TUNAR: variants seen among roughly 807,000 people sequenced by gnomAD.
TUNAR encodes protein TUNAR.
intron 2 of TUNAR, among the ~76,000 whole-genome samples, chr14:95,885,156 G>C (rs1566785030): frequency 6.6e-6 from 1 of 152,214 alleles, no homozygotes; most frequent in African/African-American, 2.4e-5. Context: ...AGTGAAAAAG[G>C]CCAGGAAAAC....
chr14:95,923,385 C>T (rs572652531), exon 3 of TUNAR: 5 of 156,430 alleles, frequency 3.2e-5, no homozygotes, highest in African/African-American at 4.8e-5. Flanking sequence ...CTTCACTTGA[C>T]GAGCTATTTA....
intron 2 of TUNAR, among the ~76,000 whole-genome samples, chr14:95,891,028 T>C (rs913535267): frequency 1.3e-5 from 2 of 151,998 alleles, no homozygotes; most frequent in African/African-American, 4.8e-5. Flanking sequence ...CCTGCTGAAG[T>C]TGGGGGGCAG....
At chr14:95,918,280 A>T (rs1209844501) in intron 2 of TUNAR, among the ~76,000 whole-genome samples, 6 of 152,102 alleles carry the variant, frequency 3.9e-5, no homozygotes, top group African/African-American at 1.2e-4. Flanking sequence ...TACACTCTCT[A>T]ATCCATTTTA....
At chr14:95,904,537 G>A (rs1221951206) in intron 2 of TUNAR, among the ~76,000 whole-genome samples, 1 of 152,180 alleles carries the variant, frequency 6.6e-6, no homozygotes, top group Non-Finnish European at 1.5e-5. Context: ...AACAGCCCAG[G>A]CCAGGGTCAC....
intron 2 of TUNAR, among the ~76,000 whole-genome samples, chr14:95,922,052 C>A (rs1889705794): frequency 6.6e-6 from 1 of 152,202 alleles, no homozygotes; most frequent in African/African-American, 2.4e-5. Flanking sequence ...AGTCCTGTGT[C>A]CATGCCTCCA....
exon 3 of TUNAR, chr14:95,925,119 A>G (rs1889765982): frequency 6.6e-6 from 1 of 152,212 alleles, no homozygotes; most frequent in Admixed American, 6.5e-5. Context: ...TGCTTTGGAT[A>G]CTTGGAGTCA....
chr14:95,886,562 G>A (rs1395115744), intron 2 of TUNAR, among the ~76,000 whole-genome samples: 1 of 152,236 alleles, frequency 6.6e-6, no homozygotes, highest in Non-Finnish European at 1.5e-5. Context: ...ATGGTGCCAA[G>A]GGCACGGCAT....
intron 2 of TUNAR, among the ~76,000 whole-genome samples, chr14:95,878,454 G>T (rs1888924409): frequency 6.6e-6 from 1 of 152,202 alleles, no homozygotes; most frequent in African/African-American, 2.4e-5. Flanking sequence ...TTGTGTTGGT[G>T]CAGAGAAAGT....
intron 2 of TUNAR, among the ~76,000 whole-genome samples, chr14:95,877,484 C>G (rs1013084520): frequency 2.3e-4 from 35 of 152,162 alleles, no homozygotes; most frequent in African/African-American, 7.7e-4. Flanking sequence ...GGCAACAACT[C>G]TTATTTAGTG....
intron 2 of TUNAR, among the ~76,000 whole-genome samples, chr14:95,906,216 G>T (rs1460033226): frequency 6.6e-6 from 1 of 152,168 alleles, no homozygotes; most frequent in East Asian, 1.9e-4. Flanking sequence ...TATGTTTATT[G>T]CCACTGAGCT....
At chr14:95,909,634 C>T (rs959993200) in intron 2 of TUNAR, among the ~76,000 whole-genome samples, 2 of 152,158 alleles carry the variant, frequency 1.3e-5, no homozygotes, top group South Asian at 4.1e-4. Flanking sequence ...GCTAGGCTGT[C>T]CCTACCCCCC....
intron 2 of TUNAR, among the ~76,000 whole-genome samples, chr14:95,883,236 C>T (rs1889009837): frequency 6.6e-6 from 1 of 152,226 alleles, no homozygotes; most frequent in Non-Finnish European, 1.5e-5. Flanking sequence ...TCTGAAAATT[C>T]TCTGTAGATG....
chr14:95,917,650 T>C (rs991173000), intron 2 of TUNAR, among the ~76,000 whole-genome samples: 5 of 152,344 alleles, frequency 3.3e-5, no homozygotes, highest in African/African-American at 1.2e-4. Context: ...TGTCTTCTTT[T>C]TCATGTTGGT....
chr14:95,911,620 A>G (rs936539988), intron 2 of TUNAR, among the ~76,000 whole-genome samples: 1 of 152,352 alleles, frequency 6.6e-6, no homozygotes, highest in South Asian at 2.1e-4. Flanking sequence ...CATCGTAGAT[A>G]GGATCAGCGT....
At chr14:95,889,658 C>T (rs1262705729) in intron 2 of TUNAR, among the ~76,000 whole-genome samples, 5 of 152,166 alleles carry the variant, frequency 3.3e-5, no homozygotes, top group South Asian at 2.1e-4. Flanking sequence ...AGACCTCCCT[C>T]GTGAGGAGGA....
intron 2 of TUNAR, among the ~76,000 whole-genome samples, chr14:95,921,943 A>C (rs138541709): frequency 5.8e-4 from 87 of 150,566 alleles, no homozygotes; most frequent in Middle Eastern, 3.4e-3. Context: ...ATAATATTCC[A>C]TTGTAGAGAC....
chr14:95,890,570 G>GGT (rs1889163703), intron 2 of TUNAR, among the ~76,000 whole-genome samples: 1 of 152,098 alleles, frequency 6.6e-6, no homozygotes, highest in Admixed American at 6.5e-5. Context: ...CCCCAGGTAG[G>GGT]GTGTGCAAGA....
At chr14:95,917,682 A>C (rs949106618) in intron 2 of TUNAR, among the ~76,000 whole-genome samples, 4 of 152,182 alleles carry the variant, frequency 2.6e-5, no homozygotes, top group Non-Finnish European at 5.9e-5. Flanking sequence ...TCTTTCAGTA[A>C]AGTTTTACAG....
chr14:95,912,901 C>T (rs905934794), intron 2 of TUNAR, among the ~76,000 whole-genome samples: 5 of 152,138 alleles, frequency 3.3e-5, no homozygotes, highest in African/African-American at 9.7e-5. Flanking sequence ...CGCCATTCTC[C>T]TGCCTCAGCC....
Sources: gnomAD v4.1 joint callset for allele counts (sites outside exome capture counted in the v4.1 genomes callset) on GRCh38, gnomAD v4.1.1 for gene constraint, MANE v1.5 for transcripts, NCBI Gene and HGNC (gene_info 2026-07-23, HGNC 2026-07-21) for gene names.